AADACL2: variants seen among roughly 807,000 people sequenced by gnomAD.
AADACL2 encodes the protein arylacetamide deacetylase like 2.
Under a neutral mutation model 22.3 loss-of-function variants are expected in AADACL2, and 23 were observed. That is an observed-to-expected ratio of 1.03 (90% CI 0.74 to 1.46). The LOEUF is 1.46. Among genes scored for constraint, AADACL2 ranks in the 40% most tolerant of loss-of-function variants. AADACL2 has a pLI of 0.00. For synonymous variants in AADACL2, 177 were observed against 166.2 expected (o/e 1.07, Z -0.50); for missense variants, 472 against 482.9 (o/e 0.98, Z 0.21).
chr3:151,753,217 A>G (rs1489972276), intron 4 of AADACL2, among the ~76,000 whole-genome samples: 2 of 152,206 alleles, frequency 1.3e-5, no homozygotes, highest in African/African-American at 4.8e-5. Context: ...CATCAGAAGC[A>G]GAAATATCTG....
chr3:151,736,145 C>T (rs1713078091), intron 1 of AADACL2, among the ~76,000 whole-genome samples: 1 of 151,828 alleles, frequency 6.6e-6, no homozygotes, highest in Non-Finnish European at 1.5e-5. Context: ...TGACAGCATG[C>T]CTACAAAATT....
At chr3:151,749,772 C>T (rs371647780) in intron 4 of AADACL2, among the ~76,000 whole-genome samples, 173 of 151,874 alleles carry the variant, frequency 1.1e-3, no homozygotes, top group African/African-American at 4.1e-3. Flanking sequence ...TGAGCCACTG[C>T]ACCCGGCCCA....
At chr3:151,734,360 C>A (rs1031672860) in intron 1 of AADACL2, among the ~76,000 whole-genome samples, 187 bp downstream of exon 1, 1 of 152,024 alleles carries the variant, frequency 6.6e-6, no homozygotes, top group African/African-American at 2.4e-5. Context: ...AACAGTGAGA[C>A]AGAATTCTCA....
chr3:151,757,102 T>C lies in AADACL2; in HGVS notation c.714T>C (p.Gly238=). The C allele has an allele frequency of 6.2e-7, 1 of 1,611,364 alleles. No individual in the cohort carries two copies. Among genetic ancestry groups the C allele is most frequent in the Non-Finnish European group, 8.5e-7 (1 of 1,179,048 alleles). ...CATCTCACCGAGAAAATGAGCATGG[T>C]ATAGTTTTGACCAGGGATGTAGCCA... ...YLPSHRENEH[G]IVLTRDVAIK... The change falls in exon 5 of 5, where the codon GGT becomes GGC. Residue 238 remains glycine, a synonymous_variant. Transcript: ENST00000356517.
intron 1 of AADACL2, among the ~76,000 whole-genome samples, chr3:151,739,975 A>T (rs1713225592): frequency 6.6e-6 from 1 of 151,962 alleles, no homozygotes; most frequent in Non-Finnish European, 1.5e-5. Flanking sequence ...TCTGATCAAA[A>T]CCTCTTGGCT....
At position 151,757,531 on chromosome 3, in the gene AADACL2, T is replaced by G. The variant is rs1412039914; in HGVS notation, c.1143T>G (p.Phe381Leu). 1 of 1,613,476 alleles carries G rather than the reference T, an allele frequency of 6.2e-7. No individual in the cohort carries two copies. Among genetic ancestry groups the G allele is most frequent in the East Asian group, 2.2e-5 (1 of 44,838 alleles). ...CTTTATCATTCATGACTTCACCATT[T>G]TATTTACGTCTAGGTCTTAGGATAA... is the stretch of plus-strand genomic sequence containing the variant. The part of the protein sequence containing the change: ...HGALSFMTSP[F>L]YLRLGLRIRD... Residue 381 changes from phenylalanine (F) to leucine (L), a missense_variant, in exon 5 of 5, where the codon TTT (phenylalanine) becomes TTG (leucine). Physicochemically the swap from Phe to Leu is conservative, Grantham distance 22. Coordinates refer to ENST00000356517, the MANE Select transcript of AADACL2 (RefSeq NM_207365.4).
chr3:151,751,822 G>A (rs1434860889), intron 4 of AADACL2, among the ~76,000 whole-genome samples: 3 of 152,102 alleles, frequency 2.0e-5, no homozygotes, highest in African/African-American at 7.2e-5. Context: ...AAACAGAGAC[G>A]TGATTCTTAG....
intron 1 of AADACL2, among the ~76,000 whole-genome samples, chr3:151,740,224 G>A (rs528243753): frequency 9.2e-5 from 14 of 152,350 alleles, no homozygotes; most frequent in South Asian, 8.3e-4. Flanking sequence ...GTCCCTCAAC[G>A]GCTTCCCTTG....
Position 151,757,197 on chromosome 3 carries a change from T to C in AADACL2, c.809T>C (p.Met270Thr), listed in dbSNP as rs778522056. ...LPWAMRRNQHMPLESRHLFKF... is the reference protein window; with the variant it reads ...LPWAMRRNQHTPLESRHLFKF... ...TGGGCAATGAGAAGAAACCAACACA[T>C]GCCTCTGGAGTCAAGACATCTGTTT... Residue 270 changes from methionine to threonine, a missense_variant, in exon 5 of 5, where the codon ATG becomes ACG. This residue lies in a region of AADACL2 where 356 missense variants were observed against 365.5 expected (regional missense o/e 0.97). Transcript: ENST00000356517. 12 of 1,613,706 alleles carry C rather than the reference T, an allele frequency of 7.4e-6. No homozygotes were observed. The highest frequency in any genetic ancestry group is 1.0e-5 in the Non-Finnish European group (12 of 1,179,690).
chr3:151,757,300 A>T lies in AADACL2; in HGVS notation c.912A>T (p.Gly304=), dbSNP rs1280260643. The part of the protein sequence containing the change: ...DYVYTEPILG[G]LSYSLPGLTD... ...TATATACTGAACCAATTCTTGGAGG[A>T]CTTAGTTATTCATTGCCAGGACTTA... The change falls in exon 5 of 5, where the codon GGA becomes GGT. Residue 304 remains glycine, a synonymous_variant. Coordinates refer to ENST00000356517, the MANE Select transcript of AADACL2 (RefSeq NM_207365.4). 6.2e-7 allele frequency: 1 copy of T among 1,613,766 alleles called. No individual in the cohort carries two copies. Among genetic ancestry groups the T allele is most frequent in the African/African-American group, 1.3e-5 (1 of 75,020 alleles).
In AADACL2 at chr3:151,758,191, C is replaced by G. The variant is rs1270300392; in HGVS notation, c.*597C>G. 5.9e-5 allele frequency: 9 copies of G among 152,190 alleles called. No homozygotes were observed. Among genetic ancestry groups the G allele is most frequent in the Non-Finnish European group, 1.3e-4 (9 of 68,042 alleles). 9.4% of individuals were successfully genotyped at this position (152,190 alleles called of 1,614,324 possible). ...CCTTGGAGACTCTCTAGAAGGTGCT[C>G]TTTGCCTCTTTTAACCTCTGGTGGC... On this transcript the variant is annotated 3_prime_UTR_variant, in exon 5 of 5. Coordinates refer to ENST00000356517, the MANE Select transcript of AADACL2 (RefSeq NM_207365.4).
chr3:151,736,149 CA>C (rs1178754988), intron 1 of AADACL2, among the ~76,000 whole-genome samples: 1 of 151,742 alleles, frequency 6.6e-6, no homozygotes, highest in Non-Finnish European at 1.5e-5. Context: ...AGCATGCCTA[CA>C]AAATTTATTT....
At chr3:151,745,755 C>A in intron 4 of AADACL2, 75 bp downstream of exon 4, 2 of 1,421,874 alleles carry the variant, frequency 1.4e-6, no homozygotes, top group Non-Finnish European at 1.9e-6. Flanking sequence ...TTCAGTTCTT[C>A]CCCCACCATT....
At chr3:151,746,365 G>GTTTTTTTTTTTTTT (rs11385894) in intron 4 of AADACL2, among the ~76,000 whole-genome samples, 1 of 136,972 alleles carries the variant, frequency 7.3e-6, no homozygotes. Context: ...TGTTTTTTTT[G>GTTTTTTTTTTTTTT]TTTTTTTTTT....
intron 4 of AADACL2, among the ~76,000 whole-genome samples, chr3:151,749,590 C>A (rs1351110499): frequency 2.6e-5 from 4 of 152,100 alleles, no homozygotes; most frequent in Non-Finnish European, 4.4e-5. Flanking sequence ...TCATGCCATT[C>A]TCCTGCCTCA....
intron 4 of AADACL2, among the ~76,000 whole-genome samples, chr3:151,746,436 C>T (rs1713450286): frequency 6.7e-6 from 1 of 148,804 alleles, no homozygotes; most frequent in Non-Finnish European, 1.5e-5. Flanking sequence ...GTTCTTGCTT[C>T]CCAGTACTTG....
intron 4 of AADACL2, among the ~76,000 whole-genome samples, chr3:151,749,016 T>C (rs1018432302): frequency 6.6e-6 from 1 of 151,492 alleles, no homozygotes; most frequent in Admixed American, 6.5e-5. Flanking sequence ...CAAGATTATA[T>C]TGACTATTCA....
intron 1 of AADACL2, among the ~76,000 whole-genome samples, chr3:151,734,726 A>C (rs2107978847): frequency 6.6e-6 from 1 of 152,304 alleles, no homozygotes; most frequent in Non-Finnish European, 1.5e-5. Context: ...AGGGTTAGAA[A>C]CTAATATTTT....
intron 1 of AADACL2, 116 bp downstream of exon 1, chr3:151,734,289 G>C (rs1713021375): frequency 1.7e-6 from 2 of 1,156,072 alleles, no homozygotes; most frequent in African/African-American, 3.1e-5. Context: ...AAGAACCATT[G>C]CTTGTTTGAG....
Sources: allele counts gnomAD v4.1 joint callset (sites outside exome capture counted in the v4.1 genomes callset), GRCh38; gene constraint gnomAD v4.1.1; regional missense constraint gnomAD v4.1.1; transcripts MANE v1.5; gene names NCBI Gene and HGNC (gene_info 2026-07-23, HGNC 2026-07-21).